ERO1A: variants seen among roughly 807,000 people sequenced by gnomAD.
The protein encoded by ERO1A is endoplasmic reticulum oxidoreductase 1 alpha.
In ERO1A, 49 loss-of-function variants were observed where a neutral mutation model predicts 76.9. The ratio of observed to expected loss-of-function variants is 0.64; its 90% CI spans 0.51 to 0.81. The LOEUF (loss-of-function observed/expected upper bound fraction) is 0.81. Among genes scored for constraint, ERO1A ranks in the 30% least tolerant of loss-of-function variants. ERO1A has a pLI of 0.00. For missense variants in ERO1A, 448 were observed against 542.1 expected (o/e 0.83, Z 1.72); for synonymous variants, 174 against 181.2 (o/e 0.96, Z 0.32).
chr14:52,666,412 T>C lies in ERO1A; in HGVS notation c.592A>G (p.Lys198Glu). The C allele has an allele frequency of 6.2e-7, 1 of 1,609,090 alleles. No homozygotes were observed. Among genetic ancestry groups the C allele is most frequent in the Non-Finnish European group, 8.5e-7 (1 of 1,178,184 alleles). ...TCTTCGTAGATGACATTCCATATTTTCCAAGCATCTGGTCCCTTGTAACCA... is the reference window on the plus strand; with the variant it reads ...TCTTCGTAGATGACATTCCATATTTCCCAAGCATCTGGTCCCTTGTAACCA... Reference protein sequence around the residue: ...YTGYKGPDAWKIWNVIYEENC... With the variant: ...YTGYKGPDAWEIWNVIYEENC... Residue 198 changes from lysine (K) to glutamate (E), a missense_variant, in exon 7 of 16, where the codon AAA becomes GAA. This residue lies in a region of ERO1A where 302 missense variants were observed against 411.9 expected (regional missense o/e 0.73). Coordinates refer to ENST00000395686, the MANE Select transcript of ERO1A (RefSeq NM_014584.3).
At chr14:52,670,383 G>A (rs1477121486) in intron 6 of ERO1A, among the ~76,000 whole-genome samples, 1 of 150,742 alleles carries the variant, frequency 6.6e-6, no homozygotes, top group Non-Finnish European at 1.5e-5. Context: ...TTGTTTTTTT[G>A]GTCTTTTGTT....
chr14:52,652,452 T>C lies in ERO1A; in HGVS notation c.1056-144A>G. On this transcript the variant is annotated intron_variant, in intron 12 of 15. Transcript: ENST00000395686. ...TCCGATGCCCCAAATCAAATTCTTATCCTCAAACCTCAAATCTTGATTCTA... is the reference window on the plus strand; with the variant it reads ...TCCGATGCCCCAAATCAAATTCTTACCCTCAAACCTCAAATCTTGATTCTA... 3 of 573,516 alleles carry C rather than the reference T, an allele frequency of 5.2e-6. 1 individual carries two copies. Among genetic ancestry groups the C allele is most frequent in the Non-Finnish European group, 9.4e-6 (3 of 318,106 alleles). The allele number at this position is 573,516 out of a possible 1,614,324, so 35.5% of individuals were successfully genotyped here.
intron 1 of ERO1A, among the ~76,000 whole-genome samples, chr14:52,690,474 C>T (rs1370432762): frequency 1.3e-5 from 2 of 152,174 alleles, no homozygotes; most frequent in East Asian, 1.9e-4. Flanking sequence ...GGCACAGTGG[C>T]TCATGTCTAT....
intron 3 of ERO1A, among the ~76,000 whole-genome samples, chr14:52,681,355 A>G (rs1427457143): frequency 6.6e-6 from 1 of 152,210 alleles, no homozygotes; most frequent in Non-Finnish European, 1.5e-5. Flanking sequence ...GCACTTTGGG[A>G]GGCTGAGGCA....
At chr14:52,647,146 T>A (rs1183015215) in intron 13 of ERO1A, 2 of 9,822 alleles carry the variant, frequency 2.0e-4, no homozygotes, top group Non-Finnish European at 4.2e-4. Flanking sequence ...CAGCTAATTT[T>A]TTTTTTTTTT....
intron 1 of ERO1A, among the ~76,000 whole-genome samples, chr14:52,684,799 CT>C (rs1174823514): frequency 1.0e-4 from 2 of 19,280 alleles, no homozygotes; most frequent in African/African-American, 4.9e-4. Flanking sequence ...AACTAGAATT[CT>C]TTTTTTTTCT....
intron 11 of ERO1A, among the ~76,000 whole-genome samples, chr14:52,655,118 G>A (rs1393669765): frequency 6.6e-6 from 1 of 152,178 alleles, no homozygotes. Context: ...TGTAATCCCA[G>A]CACTTTGGGA....
At chr14:52,693,027 G>A (rs1316050454) in intron 1 of ERO1A, among the ~76,000 whole-genome samples, 2 of 18,572 alleles carry the variant, frequency 1.1e-4, no homozygotes, top group Non-Finnish European at 2.3e-4. Flanking sequence ...TTTTTTTTTT[G>A]CTTAGGCTCC....
intron 9 of ERO1A, among the ~76,000 whole-genome samples, chr14:52,659,749 G>C (rs1308540255): frequency 6.6e-6 from 1 of 151,002 alleles, no homozygotes; most frequent in African/African-American, 2.4e-5. Context: ...GGAGTTAGGG[G>C]ATAATACTGC....
intron 3 of ERO1A, among the ~76,000 whole-genome samples, chr14:52,680,347 G>A (rs1465981965): frequency 6.6e-6 from 1 of 152,160 alleles, no homozygotes; most frequent in Non-Finnish European, 1.5e-5. Context: ...TCTGTCAACT[G>A]ATGGAATCAA....
At chr14:52,692,171 C>T (rs1051838863) in intron 1 of ERO1A, among the ~76,000 whole-genome samples, 3 of 152,180 alleles carry the variant, frequency 2.0e-5, no homozygotes, top group African/African-American at 7.2e-5. Context: ...ACTTGTTGAG[C>T]ACCAATTATT....
rs554009595 is a variant in ERO1A at position 52,692,958 on chromosome 14, A to C, written c.114+2410T>G. Among the ~76,000 whole-genome samples, 49 of 142,398 alleles carry C rather than the reference A, an allele frequency of 3.4e-4. 1 individual carries two copies. The highest frequency in any genetic ancestry group is 5.7e-4 in the Non-Finnish European group (38 of 66,546). 93.4% of individuals were successfully genotyped at this position (142,398 alleles called of 152,430 possible). A position where few individuals can be genotyped will look rare whatever the true frequency, so the allele number is the denominator to read the frequency against. ...CTTCCACTACTGGCCCTATTGTTTC[A>C]CTTATAGAATTGGAATTGATAGTCT... On this transcript the variant is annotated intron_variant, in intron 1 of 15. Coordinates refer to ENST00000395686, the MANE Select transcript of ERO1A (RefSeq NM_014584.3).
At position 52,640,999 on chromosome 14, in the gene ERO1A, A is replaced by T. The variant is rs2039451896; in HGVS notation, c.*2571T>A. 6.6e-6 allele frequency: 1 copy of T among 152,146 alleles called. No individual in the cohort carries two copies. The highest frequency in any genetic ancestry group is 1.5e-5 in the Non-Finnish European group (1 of 68,040). The allele number at this position is 152,146 out of a possible 1,614,324, so 9.4% of individuals were successfully genotyped here. On this transcript the variant is annotated 3_prime_UTR_variant, in exon 16 of 16. Transcript: ENST00000395686. The stretch of plus-strand genomic sequence containing the variant: ...GTGTTGTGATTAAGAGAGAAAAAAA[A>T]AATGGAGGTCTGAGGAATAACATTT...
At chr14:52,659,666 G>A (rs1045970894) in intron 9 of ERO1A, among the ~76,000 whole-genome samples, 14 of 151,520 alleles carry the variant, frequency 9.2e-5, no homozygotes, top group African/African-American at 2.4e-4. Flanking sequence ...TGGGGATGGT[G>A]GGATTATAAG....
At chr14:52,652,830 T>C (rs1315379846) in intron 12 of ERO1A, among the ~76,000 whole-genome samples, 1 of 151,974 alleles carries the variant, frequency 6.6e-6, no homozygotes, top group Non-Finnish European at 1.5e-5. Flanking sequence ...AAACCCCATC[T>C]CTACAAAAAA....
Position 52,675,935 on chromosome 14 carries a change from T to A in ERO1A, c.357+2499A>T, listed in dbSNP as rs550509719. On this transcript the variant is annotated intron_variant, in intron 4 of 15. Transcript: ENST00000395686. ...CCTGGGCTCAAGTGATCCTCCCACCTCACCCTCCCAAAGTGCTGGGATTGT... is the reference window on the plus strand; with the variant it reads ...CCTGGGCTCAAGTGATCCTCCCACCACACCCTCCCAAAGTGCTGGGATTGT... Among the ~76,000 whole-genome samples, 5 of 152,314 alleles carry A rather than the reference T, an allele frequency of 3.3e-5. No homozygotes were observed. The East Asian group carries it at 9.6e-4, about 29-fold the overall frequency.
At chr14:52,658,050 G>C in intron 10 of ERO1A, 41 bp from the exon 11 acceptor site, 2 of 1,510,714 alleles carry the variant, frequency 1.3e-6, no homozygotes, top group Non-Finnish European at 9.1e-7. Flanking sequence ...TTTCATATGT[G>C]AATCTTGTAG....
At chr14:52,651,060 G>C (rs964624075) in intron 13 of ERO1A, among the ~76,000 whole-genome samples, 1 of 147,738 alleles carries the variant, frequency 6.8e-6, no homozygotes, top group Non-Finnish European at 1.5e-5. Context: ...CTTGAGCCCA[G>C]GAGTTTGAGA....
intron 15 of ERO1A, among the ~76,000 whole-genome samples, 166 bp from the exon 16 acceptor site, chr14:52,643,796 A>G (rs1043128293): frequency 6.6e-6 from 1 of 152,346 alleles, no homozygotes; most frequent in South Asian, 2.1e-4. Context: ...TAATTCGACA[A>G]GGTAAAACTA....
Sources: gnomAD v4.1 joint callset for allele counts (sites outside exome capture counted in the v4.1 genomes callset) on GRCh38, gnomAD v4.1.1 for gene constraint, gnomAD v4.1.1 regional missense constraint, MANE v1.5 for transcripts, NCBI Gene and HGNC (gene_info 2026-07-23, HGNC 2026-07-21) for gene names.